The following BCHE variants were observed in gnomAD, a reference collection of about 807,000 sequenced individuals.
BCHE encodes the protein butyrylcholinesterase, also known as cholinesterase.
A neutral mutation model predicts 51.3 loss-of-function variants in BCHE; 48 were observed. The observed-to-expected ratio is 0.94, with a 90% confidence interval of 0.74 to 1.19. The LOEUF (loss-of-function observed/expected upper bound fraction) is 1.19. Ranked by LOEUF, BCHE falls within the 50% of genes most tolerant of loss-of-function variation. The pLI, the probability that BCHE is intolerant of heterozygous loss-of-function variation, is 0.00. For synonymous variants in BCHE, 251 were observed against 238.0 expected (o/e 1.05, Z -0.50); for missense variants, 847 against 708.2 (o/e 1.20, Z -2.23).
At chr3:165,803,305 A>G (rs1713738387) in intron 2 of BCHE, among the ~76,000 whole-genome samples, 1 of 152,186 alleles carries the variant, frequency 6.6e-6, no homozygotes, top group African/African-American at 2.4e-5. Flanking sequence ...GATGAGCAGG[A>G]TCAATCCGTT....
intron 2 of BCHE, among the ~76,000 whole-genome samples, chr3:165,804,262 A>G (rs1055593470): frequency 3.3e-5 from 5 of 152,176 alleles, no homozygotes; most frequent in African/African-American, 1.2e-4. Context: ...GAATGAGAGG[A>G]TAAAAGTGGG....
chr3:165,812,957 A>AT (rs1714158435), intron 2 of BCHE, among the ~76,000 whole-genome samples: 1 of 151,950 alleles, frequency 6.6e-6, no homozygotes, highest in Non-Finnish European at 1.5e-5. Context: ...AAGCTACTAT[A>AT]AATGTTCAAT....
chr3:165,816,947 G>A (rs1714335483), intron 2 of BCHE, among the ~76,000 whole-genome samples: 1 of 151,868 alleles, frequency 6.6e-6, no homozygotes, highest in African/African-American at 2.4e-5. Flanking sequence ...AATTTCAGAT[G>A]TCTTGGCACA....
chr3:165,812,258 A>C (rs971780721), intron 2 of BCHE, among the ~76,000 whole-genome samples: 1 of 142,628 alleles, frequency 7.0e-6, no homozygotes, highest in Non-Finnish European at 1.5e-5. Flanking sequence ...CTATCAATGG[A>C]AAAAAAAATG....
chr3:165,808,794 T>TG (rs1387641026), intron 2 of BCHE, among the ~76,000 whole-genome samples: 6 of 152,088 alleles, frequency 3.9e-5, no homozygotes, highest in Admixed American at 3.9e-4. Context: ...GACTATACTG[T>TG]GGTTACTTTA....
In BCHE at chr3:165,830,508, C is replaced by T. The variant is rs1191840076; in HGVS notation, c.526G>A (p.Val176Met). Residue 176 changes from valine (V) to methionine (M), a missense_variant, in exon 2 of 4, where the codon GTG (valine) becomes ATG (methionine). By Grantham distance (21) the Val-to-Met change is conservative. Transcript: ENST00000264381. ...RVIVVSMNYR[V>M]GALGFLALPG... ...AAAGCTAAGAATCCTAGGGCACCCA[C>T]CCTATAGTTCATTGACACTACAATA... is the stretch of plus-strand genomic sequence containing the variant. 1.2e-6 allele frequency: 2 copies of T among 1,613,818 alleles called. No individual in the cohort carries two copies. Among genetic ancestry groups the T allele is most frequent in the African/African-American group, 1.3e-5 (1 of 74,908 alleles).
intron 1 of BCHE, among the ~76,000 whole-genome samples, chr3:165,833,622 G>C (rs774614511): frequency 6.6e-6 from 1 of 152,044 alleles, no homozygotes; most frequent in Non-Finnish European, 1.5e-5. Flanking sequence ...ATATAACAAT[G>C]ACTTAAAGTT....
At chr3:165,798,792 A>T (rs1713525439) in intron 2 of BCHE, among the ~76,000 whole-genome samples, 2 of 150,056 alleles carry the variant, frequency 1.3e-5, no homozygotes, top group Admixed American at 1.3e-4. Flanking sequence ...GTTTCTAGAT[A>T]TGCCTGGGCA....
intron 2 of BCHE, among the ~76,000 whole-genome samples, chr3:165,800,935 G>GA (rs1337254089): frequency 6.6e-6 from 1 of 152,104 alleles, no homozygotes; most frequent in Non-Finnish European, 1.5e-5. Flanking sequence ...CATCTATGAA[G>GA]AAAATATAAG....
At chr3:165,810,132 A>G (rs566643310) in intron 2 of BCHE, among the ~76,000 whole-genome samples, 1 of 152,290 alleles carries the variant, frequency 6.6e-6, no homozygotes, top group Non-Finnish European at 1.5e-5. Flanking sequence ...TATTTTGTAG[A>G]CAAAGTAGTA....
chr3:165,788,028 T>C (rs955326548), intron 2 of BCHE, among the ~76,000 whole-genome samples: 3 of 152,058 alleles, frequency 2.0e-5, no homozygotes, highest in African/African-American at 7.2e-5. Flanking sequence ...TTTCTAAAAG[T>C]TCAACACAAA....
At chr3:165,836,202 G>T (rs1715183834) in intron 1 of BCHE, among the ~76,000 whole-genome samples, 1 of 151,916 alleles carries the variant, frequency 6.6e-6, no homozygotes, top group East Asian at 1.9e-4. Context: ...AAATTTATTT[G>T]GCATCCAAAA....
At chr3:165,801,703 C>G in intron 2 of BCHE, among the ~76,000 whole-genome samples, 1 of 152,106 alleles carries the variant, frequency 6.6e-6, no homozygotes, top group East Asian at 1.9e-4. Context: ...ACCTGGTATT[C>G]CAGAAACAAG....
At chr3:165,810,262 G>A (rs1714043130) in intron 2 of BCHE, among the ~76,000 whole-genome samples, 1 of 152,112 alleles carries the variant, frequency 6.6e-6, no homozygotes, top group South Asian at 2.1e-4. Flanking sequence ...TTCAAGTTGT[G>A]ATATTCTAGC....
At chr3:165,786,838 A>T (rs1400238451) in intron 2 of BCHE, among the ~76,000 whole-genome samples, 1 of 151,800 alleles carries the variant, frequency 6.6e-6, no homozygotes, top group Admixed American at 6.6e-5. Flanking sequence ...TTTTAAGTTT[A>T]GCTAACATCT....
intron 2 of BCHE, among the ~76,000 whole-genome samples, chr3:165,789,800 A>C: frequency 6.6e-6 from 1 of 152,184 alleles, no homozygotes; most frequent in Admixed American, 6.5e-5. Flanking sequence ...GGCTATAAGA[A>C]GACCTAAATT....
Position 165,773,429 on chromosome 3 carries a change from G to T in BCHE, c.1762C>A (p.Gln588Lys). The change falls in exon 4 of 4, where the codon CAA (glutamine) becomes AAA (lysine). Residue 588 changes from glutamine (Q) to lysine (K), a missense_variant. Transcript: ENST00000264381. ...TTCTTGCTAGTGTAATCGTTAAATT[G>T]ATTTTTCCAGTCCATCATGTAATTG... ...WNNYMMDWKN[Q>K]FNDYTSKKES... 6.2e-7 allele frequency: 1 copy of T among 1,610,254 alleles called. No individual in the cohort carries two copies. Among genetic ancestry groups the T allele is most frequent in the Non-Finnish European group, 8.5e-7 (1 of 1,177,058 alleles).
chr3:165,824,917 T>A (rs540502979), intron 2 of BCHE, among the ~76,000 whole-genome samples: 1 of 152,192 alleles, frequency 6.6e-6, no homozygotes, highest in Admixed American at 6.5e-5. Context: ...CTCTTTACAT[T>A]AATCAATCAT....
chr3:165,808,420 A>G (rs1713952451), intron 2 of BCHE, among the ~76,000 whole-genome samples: 1 of 152,000 alleles, frequency 6.6e-6, no homozygotes, highest in Non-Finnish European at 1.5e-5. Flanking sequence ...TGCATACCAG[A>G]TACCTGTACC....
Sources: gnomAD v4.1 joint callset for allele counts (sites outside exome capture counted in the v4.1 genomes callset) on GRCh38, gnomAD v4.1.1 for gene constraint, MANE v1.5 for transcripts, NCBI Gene and HGNC (gene_info 2026-07-23, HGNC 2026-07-21) for gene names.